Variants in LYPLAL1 observed in about 807,000 individuals in gnomAD.
The protein encoded by LYPLAL1 is lysophospholipase-like protein 1.
Under a neutral mutation model 19.7 loss-of-function variants are expected in LYPLAL1, and 23 were observed. The ratio of observed to expected loss-of-function variants is 1.17; its 90% CI spans 0.84 to 1.65. The LOEUF (loss-of-function observed/expected upper bound fraction) is 1.65. Among genes scored for constraint, LYPLAL1 ranks in the 40% most tolerant of loss-of-function variants. The pLI is 0.00. For missense variants in LYPLAL1, 355 were observed against 279.4 expected (o/e 1.27, Z -1.93); for synonymous variants, 119 against 96.3 (o/e 1.24, Z -1.38).
intron 2 of LYPLAL1, among the ~76,000 whole-genome samples, chr1:219,186,160 C>A (rs1401279081): frequency 6.6e-6 from 1 of 151,626 alleles, no homozygotes; most frequent in South Asian, 2.1e-4. Context: ...TCTAGATATT[C>A]TTATTACTGT....
the LYPLAL1 span, among the ~76,000 whole-genome samples, chr1:219,299,624 A>T: frequency 9.5e-4 from 144 of 152,226 alleles, no homozygotes; most frequent in Non-Finnish European, 1.6e-3. Context: ...AGCGGCAGCA[A>T]CTCGAGTCCA....
At chr1:219,179,344 AT>A (rs1656077105) in intron 2 of LYPLAL1, 98 bp downstream of exon 2, 12 of 856,046 alleles carry the variant, frequency 1.4e-5, no homozygotes. Context: ...TTAATTTTGT[AT>A]TTAACATACT....
chr1:219,410,879 G>GCC, the LYPLAL1 span, among the ~76,000 whole-genome samples: 1 of 152,248 alleles, frequency 6.6e-6, no homozygotes, highest in African/African-American at 2.4e-5. Context: ...GGCCTTGGCT[G>GCC]CCTTCCCACG....
chr1:219,195,564 T>C (rs955578656), intron 3 of LYPLAL1, among the ~76,000 whole-genome samples: 5 of 152,142 alleles, frequency 3.3e-5, no homozygotes, highest in Non-Finnish European at 7.4e-5. Context: ...CCCCATCCTC[T>C]CTCTTCCTTT....
intron 1 of LYPLAL1, among the ~76,000 whole-genome samples, chr1:219,178,740 TA>T (rs920910805): frequency 6.6e-5 from 10 of 152,174 alleles, no homozygotes; most frequent in African/African-American, 2.4e-4. Flanking sequence ...TACAGAAGTT[TA>T]ACAGTCACTT....
At chr1:219,316,269 A>C in the LYPLAL1 span, among the ~76,000 whole-genome samples, 1 of 152,134 alleles carries the variant, frequency 6.6e-6, no homozygotes, top group African/African-American at 2.4e-5. Flanking sequence ...TTTAAGTTGA[A>C]CCATCCTTGC....
chr1:219,330,564 T>TTATTAA, the LYPLAL1 span, among the ~76,000 whole-genome samples: 1 of 152,206 alleles, frequency 6.6e-6, no homozygotes, highest in East Asian at 1.9e-4. Context: ...AGCAATGCTT[T>TTATTAA]TATATGATTG....
the LYPLAL1 span, among the ~76,000 whole-genome samples, chr1:219,254,894 G>C: frequency 6.6e-6 from 1 of 151,874 alleles, no homozygotes; most frequent in Non-Finnish European, 1.5e-5. Context: ...CCCTTTAAGG[G>C]ATGCCAATGA....
chr1:219,188,447 G>C (rs560705547), intron 2 of LYPLAL1, among the ~76,000 whole-genome samples: 2 of 151,664 alleles, frequency 1.3e-5, no homozygotes, highest in Admixed American at 1.3e-4. Flanking sequence ...TAAGTAGTGG[G>C]GATATCAGAT....
the LYPLAL1 span, among the ~76,000 whole-genome samples, chr1:219,377,043 A>T: frequency 9.9e-5 from 15 of 152,224 alleles, no homozygotes; most frequent in African/African-American, 3.6e-4. Flanking sequence ...ATGTTCGTAG[A>T]AGCATTATTC....
the LYPLAL1 span, among the ~76,000 whole-genome samples, chr1:219,218,809 T>A: frequency 6.6e-6 from 1 of 152,256 alleles, no homozygotes; most frequent in Non-Finnish European, 1.5e-5. Flanking sequence ...TCATGTAGCA[T>A]TGAATTAAGA....
At chr1:219,348,326 C>T in the LYPLAL1 span, among the ~76,000 whole-genome samples, 2 of 152,184 alleles carry the variant, frequency 1.3e-5, no homozygotes, top group Admixed American at 1.3e-4. Context: ...GAAGTGAGAA[C>T]ACCGGCCAAC....
the LYPLAL1 span, among the ~76,000 whole-genome samples, chr1:219,231,033 G>A: frequency 6.6e-6 from 1 of 152,116 alleles, no homozygotes; most frequent in African/African-American, 2.4e-5. Context: ...TTTGCAAATA[G>A]CTAATAAAAA....
the LYPLAL1 span, among the ~76,000 whole-genome samples, chr1:219,278,789 G>A: frequency 2.6e-5 from 4 of 152,282 alleles, no homozygotes; most frequent in South Asian, 2.1e-4. Flanking sequence ...GGGTTTTATG[G>A]CCTCTCCAGT....
chr1:219,335,687 C>A, the LYPLAL1 span, among the ~76,000 whole-genome samples: 1 of 151,894 alleles, frequency 6.6e-6, no homozygotes, highest in Non-Finnish European at 1.5e-5. Flanking sequence ...TTAATCTATT[C>A]ATTTACATAT....
At chr1:219,374,190 G>A in the LYPLAL1 span, among the ~76,000 whole-genome samples, 1 of 132,696 alleles carries the variant, frequency 7.5e-6, no homozygotes, top group East Asian at 2.2e-4. Context: ...TCTTCCATTT[G>A]TCTTATTTAA....
the LYPLAL1 span, among the ~76,000 whole-genome samples, chr1:219,393,149 T>C: frequency 1.1e-4 from 16 of 152,330 alleles, no homozygotes; most frequent in Admixed American, 2.6e-4. Context: ...ACATATCTTA[T>C]GGCGGGATTA....
At chr1:219,433,007 G>C in the LYPLAL1 span, among the ~76,000 whole-genome samples, 1 of 152,276 alleles carries the variant, frequency 6.6e-6, no homozygotes, top group Non-Finnish European at 1.5e-5. Flanking sequence ...GGCAGGTGGA[G>C]TCTCATCTGC....
chr1:219,396,604 G>A, the LYPLAL1 span, among the ~76,000 whole-genome samples: 1 of 152,094 alleles, frequency 6.6e-6, no homozygotes, highest in Non-Finnish European at 1.5e-5. Flanking sequence ...TTTATTTTGA[G>A]CAGTGTTTTG....
Sources: allele counts gnomAD v4.1 joint callset (sites outside exome capture counted in the v4.1 genomes callset), GRCh38; gene constraint gnomAD v4.1.1; transcripts MANE v1.5; gene names NCBI Gene and HGNC (gene_info 2026-07-23, HGNC 2026-07-21).